TMTC2: variants seen among roughly 807,000 people sequenced by gnomAD.
TMTC2 encodes the protein transmembrane O-mannosyltransferase targeting cadherins 2.
A neutral mutation model predicts 82.4 loss-of-function variants in TMTC2; 43 were observed. That is an observed-to-expected ratio of 0.52 (90% CI 0.41 to 0.67). TMTC2 has a LOEUF of 0.67. Among genes scored for constraint, TMTC2 ranks in the 30% least tolerant of loss-of-function variants. TMTC2 has a pLI of 0.00. For missense variants in TMTC2, 919 were observed against 1,012.4 expected (o/e 0.91, Z 1.25); for synonymous variants, 408 against 381.9 (o/e 1.07, Z -0.80).
Position 82,781,295 on chromosome 12 carries a change from G to T in TMTC2, c.84-75715G>T, listed in dbSNP as rs749891697. Among the ~76,000 whole-genome samples the T allele has an allele frequency of 2.4e-4, 36 of 151,236 alleles. 1 individual carries two copies. Among genetic ancestry groups the T allele is most frequent in the Non-Finnish European group, 4.4e-4 (30 of 67,854 alleles). ...ATCTTGCAGTAATTTGAAGAAGAAA[G>T]AATTTTTATTGCTAGGAGAATGGAA... On this transcript the variant is annotated intron_variant, in intron 1 of 11. Coordinates refer to ENST00000321196, the MANE Select transcript of TMTC2 (RefSeq NM_152588.3).
intron 8 of TMTC2, among the ~76,000 whole-genome samples, chr12:83,005,755 A>G (rs565688184): frequency 1.3e-5 from 2 of 152,266 alleles, no homozygotes; most frequent in East Asian, 3.9e-4. Context: ...CCACTAGCAA[A>G]GCACTCAAAG....
At chr12:82,926,824 G>T (rs35800218) in intron 3 of TMTC2, among the ~76,000 whole-genome samples, 17,394 of 152,200 alleles carry the variant, frequency 0.11, 1,083 homozygotes, top group East Asian at 0.2. Context: ...AGTGGAACTG[G>T]ATTTCCGAGA....
intron 9 of TMTC2, among the ~76,000 whole-genome samples, chr12:83,049,687 A>T (rs1592716530): frequency 6.6e-6 from 1 of 152,196 alleles, no homozygotes; most frequent in East Asian, 1.9e-4. Context: ...CAATAATGGG[A>T]TTGCTGTGTA....
intron 1 of TMTC2, among the ~76,000 whole-genome samples, chr12:82,727,471 G>C: frequency 6.6e-6 from 1 of 151,866 alleles, no homozygotes; most frequent in African/African-American, 2.4e-5. Flanking sequence ...TTTAAGGCTG[G>C]GCGTGGTGGC....
At chr12:82,851,289 G>T (rs1870962432) in intron 1 of TMTC2, among the ~76,000 whole-genome samples, 1 of 152,064 alleles carries the variant, frequency 6.6e-6, no homozygotes, top group South Asian at 2.1e-4. Flanking sequence ...AATTAGCCAG[G>T]TGTGGTGGTG....
intron 1 of TMTC2, among the ~76,000 whole-genome samples, chr12:82,822,648 A>G (rs1869184335): frequency 6.6e-6 from 1 of 152,194 alleles, no homozygotes; most frequent in South Asian, 2.1e-4. Flanking sequence ...GAAACCAAGT[A>G]AAATATTCTT....
intron 1 of TMTC2, among the ~76,000 whole-genome samples, chr12:82,761,826 T>A (rs1027385695): frequency 1.3e-5 from 2 of 152,178 alleles, no homozygotes; most frequent in African/African-American, 4.8e-5. Flanking sequence ...TACAGCCGCT[T>A]AGCTATTGCT....
At chr12:82,778,408 G>A (rs1013764307) in intron 1 of TMTC2, among the ~76,000 whole-genome samples, 1 of 152,048 alleles carries the variant, frequency 6.6e-6, no homozygotes, top group Non-Finnish European at 1.5e-5. Context: ...TTTTATTATG[G>A]TTGTCAGTCA....
intron 1 of TMTC2, among the ~76,000 whole-genome samples, chr12:82,783,286 G>A (rs2137012013): frequency 7.6e-6 from 1 of 130,910 alleles, no homozygotes; most frequent in South Asian, 2.4e-4. Context: ...GAAGGTATAT[G>A]CCTCTGTGTG....
chr12:83,028,473 T>A (rs536117799), intron 8 of TMTC2, among the ~76,000 whole-genome samples: 3 of 152,284 alleles, frequency 2.0e-5, no homozygotes, highest in African/African-American at 7.2e-5. Context: ...CGTAGATTTG[T>A]TACAGTTGAT....
intron 1 of TMTC2, among the ~76,000 whole-genome samples, chr12:82,739,625 A>G (rs994907105): frequency 1.3e-5 from 2 of 151,702 alleles, no homozygotes; most frequent in Non-Finnish European, 2.9e-5. Flanking sequence ...ATTTCTATTT[A>G]TTTTTATTTC....
At chr12:82,911,561 G>A (rs1019724019) in intron 3 of TMTC2, among the ~76,000 whole-genome samples, 4 of 152,020 alleles carry the variant, frequency 2.6e-5, no homozygotes, top group Non-Finnish European at 5.9e-5. Flanking sequence ...TTTAAAGAAT[G>A]ATAATATTGT....
rs34572060 is a variant in TMTC2 at position 83,018,024 on chromosome 12, G to GTATA, written c.2071-12766_2071-12763dup. Among the ~76,000 whole-genome samples the GTATA allele has an allele frequency of 1.4e-3, 206 of 142,630 alleles. No individual in the cohort carries two copies. The South Asian group carries it at 0.015, about 10-fold the overall frequency. The allele number at this position is 142,630 out of a possible 152,430, so 93.6% of individuals were successfully genotyped here. On this transcript the variant is annotated intron_variant, in intron 8 of 11. Coordinates refer to ENST00000321196, the MANE Select transcript of TMTC2 (RefSeq NM_152588.3). ...TCCTCATATATATAATATATATATAGTATATATATATTGTGTGTGTGTATG... is the reference window on the plus strand; with the variant it reads ...TCCTCATATATATAATATATATATAGTATATATATATATATTGTGTGTGTGTATG...
intron 1 of TMTC2, among the ~76,000 whole-genome samples, chr12:82,706,560 T>C (rs1167083736): frequency 6.6e-6 from 1 of 152,092 alleles, no homozygotes; most frequent in Non-Finnish European, 1.5e-5. Context: ...GTAGCTATTA[T>C]AGGATTATAT....
rs1463514606 is a variant in TMTC2, at chr12:82,930,560, C to A, written c.1598+15C>A. ...CTTTATAATTTGTGAGTATGCCTTG[C>A]TTCTCTGGTTTGGTTCGTCTTTGAA... On this transcript the variant is annotated intron_variant, in intron 4 of 11. Transcript: ENST00000321196. The A allele has an allele frequency of 3.3e-6, 5 of 1,534,128 alleles. No homozygotes were observed. The highest frequency in any genetic ancestry group is 4.5e-6 in the Non-Finnish European group (5 of 1,118,140).
intron 3 of TMTC2, among the ~76,000 whole-genome samples, chr12:82,907,806 T>A (rs990343378): frequency 1.3e-5 from 2 of 152,120 alleles, no homozygotes; most frequent in East Asian, 3.9e-4. Flanking sequence ...GATTTCCATA[T>A]TTTTGTGTTT....
intron 1 of TMTC2, among the ~76,000 whole-genome samples, chr12:82,823,243 T>C (rs940773418): frequency 4.3e-4 from 65 of 152,332 alleles, no homozygotes; most frequent in African/African-American, 1.5e-3. Flanking sequence ...AATTGAAGTA[T>C]ATTGGATTTA....
intron 9 of TMTC2, among the ~76,000 whole-genome samples, chr12:83,042,501 T>G (rs903753939): frequency 1.3e-5 from 2 of 152,208 alleles, no homozygotes; most frequent in Non-Finnish European, 2.9e-5. Flanking sequence ...GAAGCATTCT[T>G]GATCCCTGTT....
At chr12:82,978,051 G>A (rs1878758411) in intron 7 of TMTC2, among the ~76,000 whole-genome samples, 1 of 151,698 alleles carries the variant, frequency 6.6e-6, no homozygotes, top group Non-Finnish European at 1.5e-5. Flanking sequence ...ATCTATGGGT[G>A]ATATAATTCT....
Sources: allele counts gnomAD v4.1 joint callset (sites outside exome capture counted in the v4.1 genomes callset), GRCh38; gene constraint gnomAD v4.1.1; transcripts MANE v1.5; gene names NCBI Gene and HGNC (gene_info 2026-07-23, HGNC 2026-07-21).